The following ARHGAP6 variants were observed in gnomAD, a reference collection of about 807,000 sequenced individuals.
ARHGAP6 encodes the protein rho GTPase-activating protein 6.
In ARHGAP6, 16 loss-of-function variants were observed where a neutral mutation model predicts 55.7. That is an observed-to-expected ratio of 0.29 (90% confidence interval 0.19 to 0.44). The LOEUF is 0.44. Among genes scored for constraint, ARHGAP6 ranks in the 20% least tolerant of loss-of-function variants. The pLI, the probability that ARHGAP6 is intolerant of heterozygous loss-of-function variation, is 1.00. For missense variants in ARHGAP6, 698 were observed against 808.9 expected, an observed-to-expected ratio of 0.86 and a Z score of 1.66; for synonymous variants, 382 against 360.9, an observed-to-expected ratio of 1.06 and a Z score of -0.66.
chrX:11,351,489 C>T, intron 1 of ARHGAP6: 1 of 949,741 alleles, frequency 1.1e-6, no homozygotes, highest in Non-Finnish European at 1.3e-6. Context: ...CTAGGATTCC[C>T]CTCCATCTCG....
At chrX:11,252,594 G>A (rs1036715965) in intron 2 of ARHGAP6, among the ~76,000 whole-genome samples, 1 of 112,591 alleles carries the variant, frequency 8.9e-6, no homozygotes, top group Admixed American at 9.4e-5. Context: ...GGGTCTCTAT[G>A]TGTGAGATTA....
At chrX:11,466,400 C>A (rs765770450) in intron 1 of ARHGAP6, among the ~76,000 whole-genome samples, 59 of 110,142 alleles carry the variant, frequency 5.4e-4, no homozygotes, top group African/African-American at 1.8e-3. Context: ...TCTTTGGTAT[C>A]CTTATATAGG....
intron 1 of ARHGAP6, among the ~76,000 whole-genome samples, chrX:11,522,932 A>T (rs761228685): frequency 9.0e-6 from 1 of 111,662 alleles, no homozygotes; most frequent in African/African-American, 3.3e-5. Flanking sequence ...GACACAACAA[A>T]AAACAGAATT....
At chrX:11,488,063 A>G (rs113080135) in intron 1 of ARHGAP6, among the ~76,000 whole-genome samples, 9,170 of 111,777 alleles carry the variant, frequency 0.082, 408 homozygotes, top group East Asian at 0.18. Flanking sequence ...CAGCTCTCCA[A>G]TACTCTTCAA....
At chrX:11,174,942 C>T (rs1380982423) in intron 8 of ARHGAP6, among the ~76,000 whole-genome samples, 10 of 109,667 alleles carry the variant, frequency 9.1e-5, no homozygotes, top group African/African-American at 1.3e-4. Flanking sequence ...CCGCCCACCT[C>T]GGCCTCCCAA....
chrX:11,295,724 T>C (rs1435510763), intron 1 of ARHGAP6, among the ~76,000 whole-genome samples: 3 of 112,019 alleles, frequency 2.7e-5, no homozygotes, highest in African/African-American at 9.7e-5. Context: ...GCCTTACAAA[T>C]TCAGCCCTTT....
At chrX:11,469,729 G>A (rs1189065415) in intron 1 of ARHGAP6, among the ~76,000 whole-genome samples, 1 of 111,570 alleles carries the variant, frequency 9.0e-6, no homozygotes. Context: ...CTACATACAA[G>A]GAAGGGAATA....
At chrX:11,298,458 C>G in intron 1 of ARHGAP6, 1 of 1,171,211 alleles carries the variant, frequency 8.5e-7, no homozygotes, top group Non-Finnish European at 1.2e-6. Context: ...TAAAATATTC[C>G]TATAGCCATA....
chrX:11,528,237 A>T (rs2147885627), intron 1 of ARHGAP6, among the ~76,000 whole-genome samples: 1 of 112,196 alleles, frequency 8.9e-6, no homozygotes, highest in Non-Finnish European at 1.9e-5. Context: ...TATTAAATTC[A>T]ACTTAAACTA....
intron 2 of ARHGAP6, among the ~76,000 whole-genome samples, chrX:11,235,070 C>A (rs2047181140): frequency 8.9e-6 from 1 of 112,644 alleles, no homozygotes; most frequent in Non-Finnish European, 1.9e-5. Flanking sequence ...GGGACTTCAA[C>A]CCCACATTTC....
intron 1 of ARHGAP6, among the ~76,000 whole-genome samples, chrX:11,506,565 T>C (rs780378060): frequency 8.9e-6 from 1 of 112,118 alleles, no homozygotes; most frequent in Non-Finnish European, 1.9e-5. Flanking sequence ...GCAAAGGACA[T>C]GAACTCATCC....
At chrX:11,227,797 T>TTC (rs1427606498) in intron 2 of ARHGAP6, among the ~76,000 whole-genome samples, 1 of 109,896 alleles carries the variant, frequency 9.1e-6, no homozygotes, top group African/African-American at 3.3e-5. Flanking sequence ...CTTTTTCTTT[T>TTC]TTCTTTTTTT....
At chrX:11,397,742 G>C (rs2049494833) in intron 1 of ARHGAP6, among the ~76,000 whole-genome samples, 2 of 111,178 alleles carry the variant, frequency 1.8e-5, no homozygotes, top group African/African-American at 6.5e-5. Context: ...AATTAGCCAG[G>C]TGTAGTGGCA....
At chrX:11,456,039 T>C (rs2050191093) in intron 1 of ARHGAP6, among the ~76,000 whole-genome samples, 1 of 112,310 alleles carries the variant, frequency 8.9e-6, no homozygotes, top group African/African-American at 3.2e-5. Flanking sequence ...AATTTCAATA[T>C]ACAAAAGCAA....
chrX:11,561,174 T>C (rs2051380870), intron 1 of ARHGAP6, among the ~76,000 whole-genome samples: 1 of 112,008 alleles, frequency 8.9e-6, no homozygotes, highest in Non-Finnish European at 1.9e-5. Flanking sequence ...TAAAGGATCC[T>C]AAGCAACAGA....
intron 9 of ARHGAP6, among the ~76,000 whole-genome samples, chrX:11,158,523 GA>G (rs1302019460): frequency 1.8e-5 from 2 of 112,330 alleles, no homozygotes; most frequent in African/African-American, 3.2e-5. Context: ...ATGAACCTTT[GA>G]TACAACAGCT....
Position 11,665,637 on chromosome X carries a change from G to T in ARHGAP6, c.-809C>A, listed in dbSNP as rs898788172. ...GCTCTCCGTGGAGGAGGGAGCTCAG[G>T]AGACAGCCCCAAGGCCGGGTGTGTG... is the stretch of plus-strand genomic sequence containing the variant. On this transcript the variant is annotated 5_prime_UTR_variant, in exon 1 of 13. Coordinates refer to ENST00000337414, the MANE Select transcript of ARHGAP6 (RefSeq NM_013427.3). 1.8e-5 allele frequency: 2 copies of T among 113,255 alleles called. No homozygotes were observed. The highest frequency in any genetic ancestry group is 3.7e-5 in the Non-Finnish European group (2 of 53,370). 9.3% of individuals were successfully genotyped at this position (113,255 alleles called of 1,213,427 possible).
At chrX:11,208,661 G>A (rs754958292) in intron 2 of ARHGAP6, among the ~76,000 whole-genome samples, 1 of 112,023 alleles carries the variant, frequency 8.9e-6, no homozygotes, top group East Asian at 2.8e-4. Context: ...ATGCTAGATA[G>A]TTAATGCTAA....
At chrX:11,482,582 C>CCGTG (rs2050467644) in intron 1 of ARHGAP6, among the ~76,000 whole-genome samples, 1 of 111,602 alleles carries the variant, frequency 9.0e-6, no homozygotes, top group African/African-American at 3.3e-5. Context: ...CCCACCCACA[C>CCGTG]CGTGGCTCTG....
Sources: allele counts gnomAD v4.1 joint callset (sites outside exome capture counted in the v4.1 genomes callset), GRCh38; gene constraint gnomAD v4.1.1; transcripts MANE v1.5; gene names NCBI Gene and HGNC (gene_info 2026-07-23, HGNC 2026-07-21).